PCDHGA6: variants seen among roughly 807,000 people sequenced by gnomAD.
PCDHGA6 encodes the protein protocadherin gamma-A6.
PCDHGA6 carries 41 observed loss-of-function variants against 60.6 expected under a neutral mutation model. That is an observed-to-expected ratio of 0.68 (90% CI 0.53 to 0.88). The LOEUF is 0.88. PCDHGA6 is among the 40% of genes least tolerant of loss of function. The probability of loss-of-function intolerance (pLI) is 0.00; values close to 1 mark genes in which losing one functional copy is unlikely to be tolerated. For synonymous variants in PCDHGA6, 594 were observed against 524.4 expected (o/e 1.13, Z -1.81); for missense variants, 1,312 against 1,203.0 (o/e 1.09, Z -1.34).
At chr5:141,395,234 T>C in intron 1 of PCDHGA6, 1 of 1,601,772 alleles carries the variant, frequency 6.2e-7, no homozygotes, top group Non-Finnish European at 8.5e-7. Flanking sequence ...CTGATCATGG[T>C]CAGGTGAGTT....
chr5:141,428,293 C>T, intron 1 of PCDHGA6: 1 of 716,436 alleles, frequency 1.4e-6, no homozygotes, highest in South Asian at 1.6e-5. Context: ...AGCAAAGCTG[C>T]AGATTTACCT....
chr5:141,420,438 GC>G, intron 1 of PCDHGA6: 1 of 1,107,996 alleles, frequency 9.0e-7, no homozygotes, highest in Non-Finnish European at 1.2e-6. Flanking sequence ...TAAATTAAAT[GC>G]CTCAGTCTTC....
At chr5:141,430,877 G>T in intron 1 of PCDHGA6, 1 of 1,600,796 alleles carries the variant, frequency 6.2e-7, no homozygotes. Flanking sequence ...GGAAGAGCTG[G>T]AGAAAGGCTC....
chr5:141,402,563 T>C (rs2094279860), intron 1 of PCDHGA6, among the ~76,000 whole-genome samples: 1 of 152,232 alleles, frequency 6.6e-6, no homozygotes, highest in African/African-American at 2.4e-5. Flanking sequence ...TTCCACTTTA[T>C]TTACAACTCA....
intron 1 of PCDHGA6, chr5:141,393,545 C>CCCGATTTA (rs1171677857): frequency 1.2e-6 from 2 of 1,613,858 alleles, no homozygotes; most frequent in African/African-American, 1.3e-5. Context: ...TTTTTCCTCA[C>CCCGATTTA]CCGATTTACC....
At chr5:141,376,944 C>T (rs1773563928) in intron 1 of PCDHGA6, 1 of 167,020 alleles carries the variant, frequency 6.0e-6, no homozygotes, top group Non-Finnish European at 1.3e-5. Context: ...GCCTCGGCCT[C>T]CCAAAGTGCT....
intron 2 of PCDHGA6, among the ~76,000 whole-genome samples, chr5:141,500,682 G>A (rs1661676761): frequency 6.6e-6 from 1 of 152,044 alleles, no homozygotes; most frequent in African/African-American, 2.4e-5. Context: ...CAGAATTATA[G>A]CTTTTTTCTT....
intron 1 of PCDHGA6, chr5:141,421,364 T>C (rs975166167): frequency 3.7e-6 from 6 of 1,613,994 alleles, no homozygotes; most frequent in African/African-American, 1.3e-5. Context: ...GGCTCCTTCG[T>C]GGGCAATATC....
intron 1 of PCDHGA6, among the ~76,000 whole-genome samples, chr5:141,406,975 C>A (rs1434644612): frequency 6.6e-6 from 1 of 152,108 alleles, no homozygotes; most frequent in African/African-American, 2.4e-5. Flanking sequence ...TAGTAAATAA[C>A]ATTTCACAAG....
At chr5:141,413,129 A>G in intron 1 of PCDHGA6, 2 of 1,536,352 alleles carry the variant, frequency 1.3e-6, no homozygotes, top group East Asian at 2.3e-5. Context: ...GTTGAAACAC[A>G]CAACGTGTCC....
At chr5:141,421,702 A>G (rs2096594027) in intron 1 of PCDHGA6, 1 of 1,613,950 alleles carries the variant, frequency 6.2e-7, no homozygotes, top group Non-Finnish European at 8.5e-7. Context: ...TCCTAATGCT[A>G]GGGATCCAGA....
intron 2 of PCDHGA6, among the ~76,000 whole-genome samples, chr5:141,501,075 A>C (rs980856799): frequency 6.6e-6 from 1 of 151,366 alleles, no homozygotes; most frequent in African/African-American, 2.4e-5. Context: ...CACCATGTTG[A>C]CCAGGATGGT....
intron 1 of PCDHGA6, chr5:141,415,339 C>T (rs776585248): frequency 7.4e-6 from 12 of 1,614,190 alleles, no homozygotes; most frequent in Non-Finnish European, 1.0e-5. Context: ...CAGGCTGCGG[C>T]GCTGGCACAA....
In PCDHGA6 at chr5:141,440,050, G is replaced by C. The variant is rs747798063; in HGVS notation, c.2425-54757G>C. On this transcript the variant is annotated intron_variant, in intron 1 of 3. Coordinates refer to ENST00000517434, the MANE Select transcript of PCDHGA6 (RefSeq NM_018919.3). ...GTGTCGAGGACATGCCCACTTGAAA[G>C]CTTCGGGTTAATGCTGAGGAATAAT... 6 of 152,826 alleles carry C rather than the reference G, an allele frequency of 3.9e-5. No homozygotes were observed. The East Asian group carries it at 1.2e-3, about 29-fold the overall frequency. 9.5% of individuals were successfully genotyped at this position (152,826 alleles called of 1,614,324 possible). A position where few individuals can be genotyped will look rare whatever the true frequency, so the allele number is the denominator to read the frequency against.
intron 1 of PCDHGA6, chr5:141,475,926 G>C: frequency 4.8e-6 from 3 of 619,440 alleles, no homozygotes; most frequent in East Asian, 2.9e-5. Context: ...GCTGGAGATC[G>C]GGCCCCTGCC....
At position 141,394,905 on chromosome 5, in the gene PCDHGA6, G is replaced by A. The variant is rs1281710551; in HGVS notation, c.2424+18398G>A. On this transcript the variant is annotated intron_variant, in intron 1 of 3. Transcript: ENST00000517434. ...TACACTCTATCTCGTGGTGGCAGTG[G>A]CTGCCATCTCCTGTGTCTTCCTCGC... The A allele has an allele frequency of 1.2e-6, 2 of 1,613,720 alleles. No individual in the cohort carries two copies. Among genetic ancestry groups the A allele is most frequent in the Non-Finnish European group, 1.7e-6 (2 of 1,179,870 alleles).
At chr5:141,408,286 C>G (rs751845459) in intron 1 of PCDHGA6, 81 of 1,613,074 alleles carry the variant, frequency 5.0e-5, no homozygotes, top group Non-Finnish European at 6.3e-5. Context: ...TCTACCCCAC[C>G]CTGAGTGAGC....
chr5:141,403,007 C>T (rs774624797), intron 1 of PCDHGA6: 10 of 1,613,940 alleles, frequency 6.2e-6, no homozygotes, highest in Non-Finnish European at 8.5e-6. Context: ...GCTATGCTCG[C>T]TCCTGGGGAT....
chr5:141,438,682 A>G (rs1282726848), intron 1 of PCDHGA6, among the ~76,000 whole-genome samples: 13 of 140,730 alleles, frequency 9.2e-5, no homozygotes, highest in Admixed American at 6.6e-4. Flanking sequence ...GGAGTAGGGG[A>G]TGGAGTCTTG....
Sources: allele counts gnomAD v4.1 joint callset (sites outside exome capture counted in the v4.1 genomes callset), GRCh38; gene constraint gnomAD v4.1.1; transcripts MANE v1.5; gene names NCBI Gene and HGNC (gene_info 2026-07-23, HGNC 2026-07-21).